Variants in AXIN2 observed in about 807,000 individuals in gnomAD.
The protein encoded by AXIN2 is axin-2.
Under a neutral mutation model 74.7 loss-of-function variants are expected in AXIN2, and 21 were observed. That is an observed-to-expected ratio of 0.28 (90% CI 0.20 to 0.40). The LOEUF is 0.40. AXIN2 is among the 10% of genes least tolerant of loss of function. The pLI is 1.00. For missense variants in AXIN2, 1,144 were observed against 1,111.1 expected (o/e 1.03, Z -0.42); for synonymous variants, 532 against 454.9 (o/e 1.17, Z -2.16).
intron 4 of AXIN2, among the ~76,000 whole-genome samples, chr17:65,538,890 A>G (rs2043995144): frequency 6.6e-6 from 1 of 152,096 alleles, no homozygotes; most frequent in Non-Finnish European, 1.5e-5. Context: ...TCCTGGCCGC[A>G]CACTGCGCAC....
At chr17:65,544,149 C>T (rs1227960676) in intron 3 of AXIN2, among the ~76,000 whole-genome samples, 1 of 152,014 alleles carries the variant, frequency 6.6e-6, no homozygotes, top group Non-Finnish European at 1.5e-5. Flanking sequence ...AGAAGAGTCC[C>T]CCGTCCACCC....
At chr17:65,530,502 G>A (rs189690180) in intron 10 of AXIN2, among the ~76,000 whole-genome samples, 4 of 152,346 alleles carry the variant, frequency 2.6e-5, no homozygotes, top group Admixed American at 2.6e-4. Context: ...AGCCAAGCAG[G>A]TCCTTCAAAG....
chr17:65,529,857 A>C lies in AXIN2; in HGVS notation c.*119T>G. On this transcript the variant is annotated 3_prime_UTR_variant, in exon 11 of 11. Transcript: ENST00000307078. Reference sequence around the variant, plus strand: ...GGCCCACTGGCCGATTCTTCCTTAGACTTTGTCTTCTTCATTGGTTTAATT... The same window carrying C: ...GGCCCACTGGCCGATTCTTCCTTAGCCTTTGTCTTCTTCATTGGTTTAATT... The C allele has an allele frequency of 6.4e-7, 1 of 1,570,474 alleles. No individual in the cohort carries two copies. The highest frequency in any genetic ancestry group is 8.7e-7 in the Non-Finnish European group (1 of 1,151,242).
intron 1 of AXIN2, chr17:65,561,118 C>G (rs927983604): frequency 6.7e-5 from 10 of 149,970 alleles, no homozygotes; most frequent in African/African-American, 2.2e-4. Context: ...AACGCAGGTC[C>G]TGTTTCCAGC....
intron 4 of AXIN2, among the ~76,000 whole-genome samples, chr17:65,539,721 A>G (rs1409166438): frequency 6.6e-6 from 1 of 152,234 alleles, no homozygotes; most frequent in African/African-American, 2.4e-5. Context: ...TAGCAATTCA[A>G]TGTGTTAATT....
At chr17:65,541,580 A>C in intron 3 of AXIN2, 23 bp from the exon 4 acceptor site, 1 of 1,591,146 alleles carries the variant, frequency 6.3e-7, no homozygotes. Context: ...AAAAGACAGA[A>C]TCCACAGGCT....
At chr17:65,552,132 G>A (rs574248503) in intron 2 of AXIN2, among the ~76,000 whole-genome samples, 8 of 152,236 alleles carry the variant, frequency 5.3e-5, no homozygotes, top group South Asian at 2.1e-4. Flanking sequence ...CAACACCAAG[G>A]GCAGAGAGGA....
At chr17:65,538,085 G>GCATGCGCATGCAACCCACGCA (rs1567756988) in intron 5 of AXIN2, 118 bp downstream of exon 5, 74 of 1,550,394 alleles carry the variant, frequency 4.8e-5, no homozygotes, top group Non-Finnish European at 5.9e-5. Context: ...CAGCCCACGC[G>GCATGCGCATGCAACCCACGCA]CATGCGCATG....
chr17:65,552,189 T>C (rs190199901), intron 2 of AXIN2, among the ~76,000 whole-genome samples: 21 of 152,258 alleles, frequency 1.4e-4, no homozygotes, highest in African/African-American at 4.3e-4. Context: ...GAAGAGAAGG[T>C]TGATTCAGTG....
intron 3 of AXIN2, among the ~76,000 whole-genome samples, chr17:65,543,402 T>C (rs899426122): frequency 7.9e-5 from 12 of 152,298 alleles, no homozygotes; most frequent in African/African-American, 2.9e-4. Flanking sequence ...ACGGGACTTA[T>C]AAGCATGCCT....
rs746454636 is a variant in AXIN2, at chr17:65,541,568, G to A, written c.957-11C>T. The A allele has an allele frequency of 3.7e-6, 6 of 1,605,774 alleles. No homozygotes were observed. The highest frequency in any genetic ancestry group is 5.1e-6 in the Non-Finnish European group (6 of 1,172,342). ...GGAGGAATTCCATCTCTAAGGGAAA[G>A]GAAAAGACAGAATCCACAGGCTTAC... is the stretch of plus-strand genomic sequence containing the variant. On this transcript the variant is annotated splice_polypyrimidine_tract_variant and intron_variant, in intron 3 of 10. Transcript: ENST00000307078.
At chr17:65,534,657 G>A (rs1029371812) in intron 9 of AXIN2, among the ~76,000 whole-genome samples, 2 of 152,280 alleles carry the variant, frequency 1.3e-5, no homozygotes, top group South Asian at 2.1e-4. Flanking sequence ...GGCCGGGCGT[G>A]GTGGCTCACG....
intron 9 of AXIN2, 75 bp from the exon 10 acceptor site, chr17:65,534,154 C>A: frequency 6.5e-7 from 1 of 1,547,930 alleles, no homozygotes; most frequent in South Asian, 1.1e-5. Flanking sequence ...CACACGTGCG[C>A]ACATGTGCAT....
intron 2 of AXIN2, among the ~76,000 whole-genome samples, chr17:65,553,823 C>G (rs1207411061): frequency 1.1e-5 from 1 of 95,236 alleles, no homozygotes; most frequent in Non-Finnish European, 2.0e-5. Context: ...GGGCTGTTTT[C>G]TTGTGATTAC....
intron 4 of AXIN2, among the ~76,000 whole-genome samples, chr17:65,539,944 A>T (rs1026118674): frequency 6.6e-6 from 1 of 152,234 alleles, no homozygotes; most frequent in African/African-American, 2.4e-5. Flanking sequence ...AAGCATGGAA[A>T]TAAAAGCAGA....
chr17:65,530,902 A>T (rs910264842), intron 10 of AXIN2, among the ~76,000 whole-genome samples: 10 of 152,220 alleles, frequency 6.6e-5, no homozygotes, highest in African/African-American at 2.4e-4. Context: ...TTAATTGTAC[A>T]GATGCAAATG....
At chr17:65,537,157 G>A in intron 6 of AXIN2, 94 bp from the exon 7 acceptor site, 5 of 1,546,124 alleles carry the variant, frequency 3.2e-6, no homozygotes, top group African/African-American at 1.4e-5. Context: ...GGGGGCTGGT[G>A]ACACGAAAGA....
chr17:65,537,487 G>A lies in AXIN2; in HGVS notation c.1549C>T (p.His517Tyr), dbSNP rs1209270565. The A allele has an allele frequency of 6.2e-7, 1 of 1,613,798 alleles. No individual in the cohort carries two copies. Among genetic ancestry groups the A allele is most frequent in the Admixed American group, 1.7e-5 (1 of 60,000 alleles). ...TKQTTKHVHH[H>Y]YIHHHAVPKT... ...GGGACGGCATGGTGGTGGATGTAGT[G>A]GTGGTGGACATGCTTCGTCGTCTGC... Residue 517 changes from histidine (H) to tyrosine (Y), a missense_variant, in exon 6 of 11, where the codon CAC becomes TAC. His to Tyr is a moderately conservative substitution (Grantham distance 83). This residue lies in a region of AXIN2 where 1,053 missense variants were observed against 973.5 expected (regional missense o/e 1.08). Coordinates refer to ENST00000307078, the MANE Select transcript of AXIN2 (RefSeq NM_004655.4).
intron 3 of AXIN2, among the ~76,000 whole-genome samples, chr17:65,546,939 T>G (rs2044127326): frequency 6.6e-6 from 1 of 152,312 alleles, no homozygotes; most frequent in African/African-American, 2.4e-5. Flanking sequence ...CATGAGGGAC[T>G]TGACCTGTTC....
Sources: gnomAD v4.1 joint callset for allele counts (sites outside exome capture counted in the v4.1 genomes callset) on GRCh38, gnomAD v4.1.1 for gene constraint, gnomAD v4.1.1 regional missense constraint, MANE v1.5 for transcripts, NCBI Gene and HGNC (gene_info 2026-07-23, HGNC 2026-07-21) for gene names.